The following TRPM5 variants were observed in gnomAD, a reference collection of about 807,000 sequenced individuals.
TRPM5 encodes the protein MLSN1 and TRP-related.
Under a neutral mutation model 124.9 loss-of-function variants are expected in TRPM5, and 121 were observed. The observed-to-expected ratio is 0.97, with a 90% CI of 0.84 to 1.13. The LOEUF (loss-of-function observed/expected upper bound fraction) is 1.13, where lower values mean the gene tolerates loss of function less well. Among genes scored for constraint, TRPM5 ranks in the 50% most tolerant of loss-of-function variants. TRPM5 has a pLI of 0.00. For synonymous variants in TRPM5, 781 were observed against 700.5 expected (o/e 1.11, Z -1.81); for missense variants, 1,643 against 1,589.1 (o/e 1.03, Z -0.58).
At chr11:2,413,109 C>T (rs1850486074) in intron 14 of TRPM5, 25 bp downstream of exon 19, 1 of 1,550,494 alleles carries the variant, frequency 6.4e-7, no homozygotes. Context: ...GTCCCCTCCA[C>T]CCTGCCTGGC....
rs370991206 is a variant in TRPM5 at position 2,422,981 on chromosome 11, C to T, written c.56G>A (p.Arg19Gln). The T allele has an allele frequency of 1.7e-5, 27 of 1,613,068 alleles. 1 individual carries two copies. In the African/African-American group the frequency reaches 1.9e-4, roughly 11 times the overall value. The stretch of plus-strand genomic sequence containing the variant: ...CTCGCCCCTGTGCAAGCCCAGCTCC[C>T]GCCGGTCTTCAGCATCCCCGGGGCT... Residue 19 changes from arginine (R) to glutamine (Q), a missense_variant, in exon 1 of 24, where the codon CGG becomes CAG. Transcript: ENST00000155858.
At chr11:2,443,970 G>T in the TRPM5 span, among the ~76,000 whole-genome samples, 1 of 152,154 alleles carries the variant, frequency 6.6e-6, no homozygotes, top group South Asian at 2.1e-4. The surrounding 1 kb of genome is among the most constrained non-coding windows in gnomAD (Gnocchi z 5.0). Flanking sequence ...CGGTCTCGAC[G>T]GTGGGGAGGA....
intron 1 of TRPM5, 35 bp from the exon 7 acceptor site, chr11:2,422,356 G>C (rs983547211): frequency 5.1e-6 from 8 of 1,563,438 alleles, no homozygotes; most frequent in Non-Finnish European, 6.9e-6. Context: ...GGCTTTCGGG[G>C]CACGGGGCAT....
rs77888670 is a variant in TRPM5, at chr11:2,409,025, T to C, written c.2783-1113A>G. 5.1e-3 allele frequency among the ~76,000 whole-genome samples: 774 copies of C among 152,292 alleles called. 8 individuals are homozygous for C. Among genetic ancestry groups the C allele is most frequent in the African/African-American group, 0.018 (732 of 41,572 alleles). On this transcript the variant is annotated intron_variant, in intron 18 of 23. Transcript: ENST00000155858. ...TGCGGTGGGTTCTGGGGGGTCTCCTTGTTCCCAGGTTCCTGCCTCTGTGCC... is the reference window on the plus strand; with the variant it reads ...TGCGGTGGGTTCTGGGGGGTCTCCTCGTTCCCAGGTTCCTGCCTCTGTGCC...
At chr11:2,424,425 A>G (rs1468344632), upstream of TRPM5, among the ~76,000 whole-genome samples, 1 of 152,260 alleles carries the variant, frequency 6.6e-6, no homozygotes, top group Non-Finnish European at 1.5e-5. Flanking sequence ...CCAAGTCCCA[A>G]ACCCCAGGAC....
the TRPM5 span, among the ~76,000 whole-genome samples, chr11:2,430,699 CGGTGTT>C: frequency 1.1e-5 from 1 of 87,996 alleles, no homozygotes; most frequent in South Asian, 4.2e-4. Context: ...GTGATGGAGG[CGGTGTT>C]GGTGTTGGTG....
At chr11:2,414,012 C>CG in intron 12 of TRPM5, 49 bp downstream of exon 17, 1 of 498,162 alleles carries the variant, frequency 2.0e-6, no homozygotes, top group South Asian at 1.6e-5. Context: ...CCAGCTCGCC[C>CG]GCCCACCCCA....
chr11:2,435,649 A>G, the TRPM5 span, among the ~76,000 whole-genome samples: 671 of 151,452 alleles, frequency 4.4e-3, 3 homozygotes, highest in Middle Eastern at 0.017. The surrounding 1 kb of genome is among the most constrained non-coding windows in gnomAD (Gnocchi z 4.1). Context: ...CCATGCATCC[A>G]TCTGTCTGTT....
intron 12 of TRPM5, 48 bp downstream of exon 17, chr11:2,414,013 G>GCCCCCCCCCC: frequency 1.6e-6 from 1 of 625,670 alleles, no homozygotes. Flanking sequence ...CAGCTCGCCC[G>GCCCCCCCCCC]CCCACCCCAC....
At chr11:2,410,856 G>A (rs544411860) in intron 18 of TRPM5, among the ~76,000 whole-genome samples, 6 of 152,106 alleles carry the variant, frequency 3.9e-5, no homozygotes, top group African/African-American at 9.7e-5. Flanking sequence ...GCAGGACGGC[G>A]TAGGGGCTCT....
upstream of TRPM5, among the ~76,000 whole-genome samples, chr11:2,426,899 G>A (rs369484497): frequency 6.6e-6 from 1 of 152,214 alleles, no homozygotes; most frequent in South Asian, 2.1e-4. Flanking sequence ...CAGGGAAGTG[G>A]TGGCAAGAGG....
the TRPM5 span, among the ~76,000 whole-genome samples, chr11:2,442,158 T>C: frequency 9.2e-5 from 14 of 152,234 alleles, no homozygotes; most frequent in African/African-American, 3.4e-4. This position sits in a 1 kb window ranked among gnomAD's most constrained non-coding sequence, Gnocchi z 5.9. Context: ...TGACTCTTTC[T>C]GATGCTCAAA....
Position 2,407,169 on chromosome 11 carries a change from G to A in TRPM5, c.3068C>T (p.Thr1023Met), listed in dbSNP as rs143447627. The change falls in exon 20 of 24, where the codon ACG (threonine) becomes ATG (methionine). Residue 1023 changes from threonine (T) to methionine (M), a missense_variant. By Grantham distance (81) the Thr-to-Met change is moderately conservative. Transcript: ENST00000155858. ...CTCCTTCTTGAAGACCCGGCGGAGCGTCAGGCTCAGGTGGCTGAGCAGGAT... is the reference window on the plus strand; with the variant it reads ...CTCCTTCTTGAAGACCCGGCGGAGCATCAGGCTCAGGTGGCTGAGCAGGAT... The A allele has an allele frequency of 1.1e-4, 179 of 1,611,144 alleles. No homozygotes were observed. In the African/African-American group the frequency reaches 1.7e-3, roughly 15 times the overall value.
At chr11:2,416,421 G>C (rs1845681731) in intron 7 of TRPM5, among the ~76,000 whole-genome samples, 1 of 152,138 alleles carries the variant, frequency 6.6e-6, no homozygotes, top group African/African-American at 2.4e-5. Context: ...GCCATGACTT[G>C]GTGAGGTCAC....
the TRPM5 span, among the ~76,000 whole-genome samples, chr11:2,428,341 T>G: frequency 0.29 from 43,715 of 152,030 alleles, 6,449 homozygotes; most frequent in East Asian, 0.34. This position sits in a 1 kb window ranked among gnomAD's most constrained non-coding sequence, Gnocchi z 4.0. Context: ...GGACTTGCTC[T>G]CTGGGACCCT....
chr11:2,415,127 C>T, exon 9 of TRPM5: 1 of 1,567,932 alleles, frequency 6.4e-7, no homozygotes, highest in Non-Finnish European at 8.6e-7. Context: ...TCACCGCCCT[C>T]CTGCGGTCCC....
At chr11:2,406,063 C>G in exon 22 of TRPM5, 1 of 1,612,154 alleles carries the variant, frequency 6.2e-7, no homozygotes, top group Non-Finnish European at 8.5e-7. Context: ...TCTCTCAGAC[C>G]CCCGAGGTAC....
chr11:2,413,596 G>T lies in TRPM5; in HGVS notation c.1891-8C>A. On this transcript the variant is annotated splice_polypyrimidine_tract_variant and splice_region_variant and intron_variant, in intron 12 of 23. Coordinates refer to ENST00000155858, the Ensembl canonical transcript of TRPM5. ...GATCCTGGTCAGGAAGGCCTGAGGT[G>T]AAGGCAAAACTGTCGGCTCCAACTC... 1 of 1,610,858 alleles carries T rather than the reference G, an allele frequency of 6.2e-7. No homozygotes were observed. Among genetic ancestry groups the T allele is most frequent in the Non-Finnish European group, 8.5e-7 (1 of 1,178,846 alleles).
intron 3 of TRPM5, among the ~76,000 whole-genome samples, 198 bp from the exon 9 acceptor site, chr11:2,420,603 C>T (rs374884818): frequency 6.6e-6 from 1 of 152,228 alleles, no homozygotes; most frequent in South Asian, 2.1e-4. Context: ...CTTCGACAGT[C>T]AGGGGCAGGG....
Sources: allele counts gnomAD v4.1 joint callset (sites outside exome capture counted in the v4.1 genomes callset), GRCh38; gene constraint gnomAD v4.1.1; non-coding constraint Gnocchi (gnomAD v3.1); transcripts MANE v1.5; gene names NCBI Gene and HGNC (gene_info 2026-07-23, HGNC 2026-07-21).